The following CFAP97D2 variants were observed in gnomAD, a reference collection of about 807,000 sequenced individuals.
The protein encoded by CFAP97D2 is CFAP97 domain containing 2, also known as uncharacterized protein CFAP97D2.
At chr13:114,182,108 T>G (rs193278921) in intron 1 of CFAP97D2, among the ~76,000 whole-genome samples, 11 of 151,404 alleles carry the variant, frequency 7.3e-5, no homozygotes, top group East Asian at 3.9e-4. Context: ...TTATTTTCAT[T>G]ATTTCAGCAA....
At chr13:114,212,047 T>C (rs2080969172) in exon 4 of CFAP97D2, 1 of 398,200 alleles carries the variant, frequency 2.5e-6, no homozygotes, top group South Asian at 1.3e-4. Context: ...GGCTGAGAAG[T>C]CCCGGGTGCT....
chr13:114,181,266 TGTG>T (rs540980352), intron 1 of CFAP97D2, among the ~76,000 whole-genome samples: 101 of 152,230 alleles, frequency 6.6e-4, no homozygotes, highest in African/African-American at 2.0e-3. Flanking sequence ...AAAAGGAGGT[TGTG>T]GTGAAGAACA....
chr13:114,202,952 G>T (rs1156945427), intron 3 of CFAP97D2, among the ~76,000 whole-genome samples: 1 of 152,180 alleles, frequency 6.6e-6, no homozygotes, highest in African/African-American at 2.4e-5. Context: ...GATCGCCATT[G>T]TTCCCACTCC....
chr13:114,197,864 T>C (rs1251097028), intron 2 of CFAP97D2, among the ~76,000 whole-genome samples: 2 of 147,138 alleles, frequency 1.4e-5, no homozygotes, highest in Non-Finnish European at 2.9e-5. Flanking sequence ...TTCGTGTTTT[T>C]AGTAGTGATG....
rs963880272 is a variant in CFAP97D2, at chr13:114,189,203, T to G, written c.91-7193T>G. 3.3e-5 allele frequency among the ~76,000 whole-genome samples: 5 copies of G among 152,036 alleles called. No homozygotes were observed. Among genetic ancestry groups the G allele is most frequent in the African/African-American group, 1.2e-4 (5 of 41,416 alleles). On this transcript the variant is annotated intron_variant, in intron 1 of 4. Transcript: ENST00000646158. The surrounding 1 kb of genome is among the most constrained non-coding windows in gnomAD (Gnocchi z 4.5). ...TTAAAAGGATAATAAAGGGATACTA[T>G]GAACAAATTTATGCCCACAAATTTG...
intron 4 of CFAP97D2, among the ~76,000 whole-genome samples, chr13:114,213,915 C>A (rs1414702902): frequency 4.7e-4 from 69 of 147,462 alleles, no homozygotes; most frequent in African/African-American, 1.7e-3. Flanking sequence ...AACCCCACCC[C>A]TGGACAAGCT....
intron 2 of CFAP97D2, 134 bp from the exon 3 acceptor site, chr13:114,200,191 A>T (rs575568494): frequency 5.1e-6 from 2 of 393,814 alleles, no homozygotes; most frequent in Non-Finnish European, 8.9e-6. Flanking sequence ...GTCCCCGCTG[A>T]GGCGTGATGG....
In CFAP97D2 at chr13:114,207,815, A is replaced by AT. The variant is rs1010360649; in HGVS notation, c.291-4090dup. Among the ~76,000 whole-genome samples the AT allele has an allele frequency of 1.3e-5, 2 of 151,966 alleles. No homozygotes were observed. The highest frequency in any genetic ancestry group is 2.4e-5 in the African/African-American group (1 of 41,330). On this transcript the variant is annotated intron_variant, in intron 3 of 4. Transcript: ENST00000646158. The surrounding 1 kb of genome is among the most constrained non-coding windows in gnomAD (Gnocchi z 4.9). ...CCAACTAGACTTTGTCACCACCACC[A>AT]TTTTTTTCCCTAGAGAGGCTATGTG... is the stretch of plus-strand genomic sequence containing the variant.
At chr13:114,182,531 C>T (rs918570531) in intron 1 of CFAP97D2, among the ~76,000 whole-genome samples, 17 of 151,900 alleles carry the variant, frequency 1.1e-4, no homozygotes, top group Admixed American at 5.2e-4. Context: ...TCTCATCCCA[C>T]GAGGCCGTAT....
At chr13:114,209,507 C>G (rs563701848) in intron 3 of CFAP97D2, among the ~76,000 whole-genome samples, 46 of 152,196 alleles carry the variant, frequency 3.0e-4, no homozygotes, top group African/African-American at 1.1e-3. Context: ...TCGTGTAGGC[C>G]TAGCTCTTAC....
chr13:114,188,907 T>A (rs1254696984), intron 1 of CFAP97D2, among the ~76,000 whole-genome samples: 5 of 150,628 alleles, frequency 3.3e-5, no homozygotes, highest in African/African-American at 1.2e-4. Flanking sequence ...CAATAAAACT[T>A]GGTTCTTTAA....
intron 4 of CFAP97D2, among the ~76,000 whole-genome samples, chr13:114,218,641 A>G (rs1490222374): frequency 2.0e-5 from 3 of 152,258 alleles, no homozygotes; most frequent in Non-Finnish European, 4.4e-5. Flanking sequence ...ACAAGGCTAC[A>G]GTAACCAAAA....
At chr13:114,182,505 G>A (rs199805187) in intron 1 of CFAP97D2, among the ~76,000 whole-genome samples, 1,701 of 151,748 alleles carry the variant, frequency 0.011, 99 homozygotes, top group Admixed American at 0.08. Flanking sequence ...GTCGGGCTGG[G>A]GTACAGTCAG....
In CFAP97D2 at chr13:114,189,145, G is replaced by C. The variant is rs1229976582; in HGVS notation, c.91-7251G>C. The stretch of plus-strand genomic sequence containing the variant: ...TAAAAAGCTATGATCATCAAGAAAG[G>C]AAAAAAGGAGCATCACTACAATCCC... On this transcript the variant is annotated intron_variant, in intron 1 of 4. Coordinates refer to ENST00000646158, the Ensembl canonical transcript of CFAP97D2. This position sits in a 1 kb window ranked among gnomAD's most constrained non-coding sequence, Gnocchi z 4.5. 6.6e-6 allele frequency among the ~76,000 whole-genome samples: 1 copy of C among 150,730 alleles called. No individual in the cohort carries two copies. Among genetic ancestry groups the C allele is most frequent in the Admixed American group, 6.6e-5 (1 of 15,100 alleles).
chr13:114,183,305 T>A (rs2080843651), intron 1 of CFAP97D2, among the ~76,000 whole-genome samples: 1 of 152,146 alleles, frequency 6.6e-6, no homozygotes, highest in Admixed American at 6.5e-5. Flanking sequence ...TAGCTGTGAT[T>A]ACAGTCGCGT....
At chr13:114,181,470 A>G (rs2080832225) in intron 1 of CFAP97D2, among the ~76,000 whole-genome samples, 1 of 152,070 alleles carries the variant, frequency 6.6e-6, no homozygotes, top group Non-Finnish European at 1.5e-5. Flanking sequence ...GAAGAGCAAG[A>G]TGGGCCCTGA....
At chr13:114,205,865 C>T (rs1468464076) in intron 3 of CFAP97D2, among the ~76,000 whole-genome samples, 2 of 152,050 alleles carry the variant, frequency 1.3e-5, no homozygotes, top group Non-Finnish European at 2.9e-5. Flanking sequence ...CAATGCCACA[C>T]TCACCTGGGA....
intron 3 of CFAP97D2, among the ~76,000 whole-genome samples, chr13:114,200,995 C>T (rs1158789874): frequency 1.3e-5 from 2 of 152,192 alleles, no homozygotes; most frequent in Non-Finnish European, 2.9e-5. Flanking sequence ...CCCCTGCATC[C>T]TGTGTGGGTC....
chr13:114,215,615 TA>T (rs1424439282), intron 4 of CFAP97D2: 1 of 152,246 alleles, frequency 6.6e-6, no homozygotes, highest in African/African-American at 2.4e-5. Context: ...GATCAATGTT[TA>T]TTTTTTCAGT....
Sources: allele counts gnomAD v4.1 joint callset (sites outside exome capture counted in the v4.1 genomes callset), GRCh38; gene constraint gnomAD v4.1.1; non-coding constraint Gnocchi (gnomAD v3.1); transcripts MANE v1.5; gene names NCBI Gene and HGNC (gene_info 2026-07-23, HGNC 2026-07-21).